Variants in GC observed in about 807,000 individuals in gnomAD.
The protein encoded by GC is vitamin D-binding protein.
Under a neutral mutation model 56.7 loss-of-function variants are expected in GC, and 43 were observed. That is an observed-to-expected ratio of 0.76 (90% CI 0.59 to 0.98). The LOEUF (loss-of-function observed/expected upper bound fraction) is 0.98. Ranked by LOEUF, GC falls within the 50% of genes least tolerant of loss-of-function variation. The probability of loss-of-function intolerance (pLI) is 0.00; values close to 1 mark genes in which losing one functional copy is unlikely to be tolerated. For missense variants in GC, 529 were observed against 545.9 expected, an observed-to-expected ratio of 0.97 and a Z score of 0.31; for synonymous variants, 216 against 202.7, an observed-to-expected ratio of 1.07 and a Z score of -0.56.
intron 1 of GC, among the ~76,000 whole-genome samples, chr4:71,798,584 A>G (rs1162042180): frequency 5.3e-5 from 8 of 152,216 alleles, no homozygotes; most frequent in Admixed American, 5.2e-4. Context: ...AATGGTTCCC[A>G]AGCACCTCTA....
intron 4 of GC, among the ~76,000 whole-genome samples, chr4:71,764,462 G>C (rs578213977): frequency 6.6e-6 from 1 of 152,252 alleles, no homozygotes; most frequent in East Asian, 1.9e-4. Flanking sequence ...GTTTGTGTGA[G>C]AGGAGGGGCC....
At chr4:71,749,423 G>A (rs1741476495) in intron 11 of GC, among the ~76,000 whole-genome samples, 1 of 152,150 alleles carries the variant, frequency 6.6e-6, no homozygotes, top group African/African-American at 2.4e-5. Context: ...GTGTCAGGCA[G>A]GACAGTGCAT....
intron 10 of GC, among the ~76,000 whole-genome samples, chr4:71,753,306 C>T (rs774953290): frequency 5.9e-5 from 9 of 151,910 alleles, no homozygotes; most frequent in African/African-American, 1.9e-4. Context: ...GCCAGCCCAG[C>T]GGGGGGCAAT....
chr4:71,804,816 T>A (rs1339037532), upstream of GC, among the ~76,000 whole-genome samples: 5 of 151,316 alleles, frequency 3.3e-5, no homozygotes, highest in African/African-American at 4.9e-5. Flanking sequence ...CCATAACTGT[T>A]GTGTATCCCT....
At chr4:71,744,245 A>T (rs1286642985) in intron 12 of GC, among the ~76,000 whole-genome samples, 5 of 149,964 alleles carry the variant, frequency 3.3e-5, no homozygotes, top group Non-Finnish European at 7.4e-5. Context: ...GATAGAGGCC[A>T]TCCTGGCTAA....
chr4:71,799,162 G>A (rs149564824), intron 1 of GC, among the ~76,000 whole-genome samples: 1 of 152,136 alleles, frequency 6.6e-6, no homozygotes, highest in South Asian at 2.1e-4. Context: ...CTCTGGAAGT[G>A]GTTCTAGGGG....
intron 4 of GC, among the ~76,000 whole-genome samples, chr4:71,765,221 G>C (rs1326202982): frequency 1.3e-5 from 2 of 152,166 alleles, no homozygotes; most frequent in African/African-American, 4.8e-5. Flanking sequence ...ATTAGGGTTA[G>C]TAAGAGTTTG....
At chr4:71,778,138 C>T (rs1742568060) in intron 1 of GC, among the ~76,000 whole-genome samples, 1 of 151,772 alleles carries the variant, frequency 6.6e-6, no homozygotes, top group Admixed American at 6.6e-5. Context: ...CTTGTATATT[C>T]CAATAAATCT....
At position 71,758,102 on chromosome 4, in the gene GC, A is replaced by G. The variant is rs1741845046; in HGVS notation, c.771T>C (p.Asp257=). The change falls in exon 7 of 13, where the codon GAT becomes GAC. Residue 257 remains aspartate (D), a synonymous_variant. Transcript: ENST00000273951. ...DLEDVLPLAE[D]ITNILSKCCE... is the part of the protein sequence containing the mutation. Reference sequence around the variant, plus strand: ...AGCATTTGGAGAGGATGTTAGTAATATCTTCAGCTAGTGGCAAAACATCCT... The same window carrying G: ...AGCATTTGGAGAGGATGTTAGTAATGTCTTCAGCTAGTGGCAAAACATCCT... 1 of 1,613,354 alleles carries G rather than the reference A, an allele frequency of 6.2e-7. No individual in the cohort carries two copies.
intron 10 of GC, among the ~76,000 whole-genome samples, chr4:71,753,206 T>C (rs1365567383): frequency 6.6e-6 from 1 of 152,164 alleles, no homozygotes; most frequent in African/African-American, 2.4e-5. Context: ...ATCTCCTGAT[T>C]CTTTCAATTT....
At chr4:71,747,673 G>A (rs766535493) in intron 11 of GC, among the ~76,000 whole-genome samples, 5 of 152,168 alleles carry the variant, frequency 3.3e-5, no homozygotes, top group Non-Finnish European at 7.4e-5. Flanking sequence ...TTAATAAGAG[G>A]TGTGAGGAGT....
chr4:71,787,352 G>A (rs953510915), upstream of GC, among the ~76,000 whole-genome samples: 10 of 151,854 alleles, frequency 6.6e-5, no homozygotes, highest in Non-Finnish European at 1.2e-4. Flanking sequence ...AACACATTGT[G>A]CTATTGAGCT....
chr4:71,756,929 G>A lies in GC; in HGVS notation c.832-15C>T, dbSNP rs181265363. 25 of 1,548,306 alleles carry A rather than the reference G, an allele frequency of 1.6e-5. No individual in the cohort carries two copies. In the African/African-American group the frequency reaches 3.4e-4, roughly 21 times the overall value. Reference sequence around the variant, plus strand: ...TGTTCAGGCAGCTACAAAACGAATGGTTAGTTTGTGCATTGTTAGTTTCCT... The same window carrying A: ...TGTTCAGGCAGCTACAAAACGAATGATTAGTTTGTGCATTGTTAGTTTCCT... On this transcript the variant is annotated splice_polypyrimidine_tract_variant and intron_variant, in intron 7 of 12. Transcript: ENST00000273951.
intron 11 of GC, among the ~76,000 whole-genome samples, chr4:71,748,785 G>A (rs550868538): frequency 1.0e-3 from 158 of 152,264 alleles, no homozygotes; most frequent in African/African-American, 3.6e-3. Context: ...GAAACACTAA[G>A]TATGGTTCAG....
intron 4 of GC, 78 bp downstream of exon 4, chr4:71,765,354 C>A (rs1742120440): frequency 1.0e-5 from 12 of 1,153,190 alleles, no homozygotes; most frequent in Non-Finnish European, 1.6e-5. Flanking sequence ...AGAGGTGTTT[C>A]CACAGAGTAG....
At chr4:71,746,990 T>C (rs778188767) in intron 11 of GC, among the ~76,000 whole-genome samples, 1 of 151,902 alleles carries the variant, frequency 6.6e-6, no homozygotes, top group Non-Finnish European at 1.5e-5. Context: ...ATACCAAGAA[T>C]GTAGAAGAAT....
Position 71,754,523 on chromosome 4 carries a change from T to C in GC, c.1165-15A>G. On this transcript the variant is annotated splice_polypyrimidine_tract_variant and intron_variant, in intron 9 of 12. Coordinates refer to ENST00000273951, the MANE Select transcript of GC (RefSeq NM_000583.4). The stretch of plus-strand genomic sequence containing the variant: ...AGTAGAGGGCCCTGTAAGAAAACAA[T>C]AATTGCATAACAAAATTATTTGTCT... 8.0e-7 allele frequency: 1 copy of C among 1,255,416 alleles called. No individual in the cohort carries two copies. The allele number at this position is 1,255,416 out of a possible 1,614,324, so 77.8% of individuals were successfully genotyped here.
At chr4:71,780,332 T>C (rs1372696850) in intron 1 of GC, among the ~76,000 whole-genome samples, 3 of 152,090 alleles carry the variant, frequency 2.0e-5, no homozygotes, top group African/African-American at 7.2e-5. Flanking sequence ...GGACAAGGAC[T>C]TCATGTCTAA....
chr4:71,747,835 G>C (rs887022204), intron 11 of GC, among the ~76,000 whole-genome samples: 15 of 152,096 alleles, frequency 9.9e-5, no homozygotes, highest in Admixed American at 7.2e-4. Flanking sequence ...CAAAAATGTT[G>C]ACACAAAAGA....
Sources: allele counts gnomAD v4.1 joint callset (sites outside exome capture counted in the v4.1 genomes callset), GRCh38; gene constraint gnomAD v4.1.1; transcripts MANE v1.5; gene names NCBI Gene and HGNC (gene_info 2026-07-23, HGNC 2026-07-21).